The following FAM98A variants were observed in gnomAD, a reference collection of about 807,000 sequenced individuals.
FAM98A encodes protein FAM98A.
Under a neutral mutation model 62.9 loss-of-function variants are expected in FAM98A, and 25 were observed. The ratio of observed to expected loss-of-function variants is 0.40; its 90% CI spans 0.29 to 0.56. FAM98A has a LOEUF of 0.56. FAM98A is among the 20% of genes least tolerant of loss of function. The pLI is 0.51. For synonymous variants in FAM98A, 252 were observed against 228.6 expected (o/e 1.10, Z -0.92); for missense variants, 653 against 640.7 (o/e 1.02, Z -0.21).
In FAM98A at chr2:33,583,788, G is replaced by A. The variant is rs1677470689; in HGVS notation, c.*988C>T. On this transcript the variant is annotated 3_prime_UTR_variant, in exon 8 of 8. Transcript: ENST00000238823. The stretch of plus-strand genomic sequence containing the variant: ...GAAGCATCATGTCATGTAGATTTCA[G>A]TAAGGGAGAATGTAAAACATCAACT... 6.6e-6 allele frequency: 1 copy of A among 152,650 alleles called. No homozygotes were observed. The allele number at this position is 152,650 out of a possible 1,614,324, so 9.5% of individuals were successfully genotyped here.
rs1005561402 is a variant in FAM98A at position 33,599,226 on chromosome 2, C to T, written c.-5G>A. ...CTCCATGAGGTCACACTCCATGCTACTGTGGTATTCAAATTTCCGAGTCGT... is the reference window on the plus strand; with the variant it reads ...CTCCATGAGGTCACACTCCATGCTATTGTGGTATTCAAATTTCCGAGTCGT... On this transcript the variant is annotated 5_prime_UTR_variant, in exon 1 of 8. Transcript: ENST00000238823. 1 of 1,613,270 alleles carries T rather than the reference C, an allele frequency of 6.2e-7. No homozygotes were observed. The highest frequency in any genetic ancestry group is 1.3e-5 in the African/African-American group (1 of 75,054).
At chr2:33,588,246 C>T in intron 4 of FAM98A, 89 bp downstream of exon 4, 1 of 1,037,266 alleles carries the variant, frequency 9.6e-7, no homozygotes, top group Non-Finnish European at 1.4e-6. Flanking sequence ...ATTAGGTTCC[C>T]ATTAAGAGAA....
In FAM98A at chr2:33,594,624, CACACATATATAT is replaced by C. The variant is rs1558550433; in HGVS notation, c.202+853_202+864del. Among the ~76,000 whole-genome samples, 24 of 118,894 alleles carry C rather than the reference CACACATATATAT, an allele frequency of 2.0e-4. 2 individuals are homozygous for C. The highest frequency in any genetic ancestry group is 7.6e-4 in the African/African-American group (20 of 26,186). 78.0% of individuals were successfully genotyped at this position (118,894 alleles called of 152,430 possible). A position where few individuals can be genotyped will look rare whatever the true frequency, so the allele number is the denominator to read the frequency against. ...ACATACATACACACATATATATATACACACATATATATACACATATATATATACACACATATA... is the reference window on the plus strand; with the variant it reads ...ACATACATACACACATATATATATACACACATATATATATACACACATATA... On this transcript the variant is annotated intron_variant, in intron 2 of 7. Coordinates refer to ENST00000238823, the MANE Select transcript of FAM98A (RefSeq NM_015475.5).
chr2:33,587,363 A>G (rs755479494), intron 4 of FAM98A, 43 bp from the exon 5 acceptor site: 25 of 1,388,712 alleles, frequency 1.8e-5, no homozygotes, highest in Non-Finnish European at 2.4e-5. Context: ...CTCTAAAAGT[A>G]AAACATCCTC....
chr2:33,588,344 A>T lies in FAM98A; in HGVS notation c.513T>A (p.Ile171=). 6.2e-7 allele frequency: 1 copy of T among 1,604,626 alleles called. No homozygotes were observed. The change falls in exon 4 of 8, where the codon ATT becomes ATA. Residue 171 remains isoleucine, a synonymous_variant. Transcript: ENST00000238823. The part of the protein sequence containing the change: ...NITMFQFFSG[I]EKKLKETLAK... ...GTACTAAAGGTCTTACTTTTTTTTC[A>T]ATCCCGCTGAAGAATTGGAACATAG...
chr2:33,589,732 T>A (rs532573215), intron 3 of FAM98A: 1 of 152,306 alleles, frequency 6.6e-6, no homozygotes, highest in East Asian at 1.9e-4. Context: ...ACCCCACTGT[T>A]AAGACAACAA....
chr2:33,598,346 G>A (rs1677862759), intron 1 of FAM98A, among the ~76,000 whole-genome samples: 1 of 152,164 alleles, frequency 6.6e-6, no homozygotes, highest in Non-Finnish European at 1.5e-5. Flanking sequence ...ATTTGTTTCT[G>A]GAACCACATT....
intron 7 of FAM98A, 36 bp downstream of exon 7, chr2:33,585,494 A>T: frequency 6.2e-7 from 1 of 1,613,658 alleles, no homozygotes; most frequent in Non-Finnish European, 8.5e-7. Flanking sequence ...AACAGAAATA[A>T]ATGCATTTGG....
intron 4 of FAM98A, chr2:33,587,635 T>G: frequency 3.5e-6 from 1 of 283,810 alleles, no homozygotes; most frequent in Non-Finnish European, 6.8e-6. Context: ...CCCTGTAGAG[T>G]TCAGCCAAAT....
chr2:33,584,238 T>G lies in FAM98A; in HGVS notation c.*538A>C. Reference sequence around the variant, plus strand: ...ATGTGCTATCTGCAAAAGAGCTCATTTAATAGGAACTGACCTAAAAGTTCC... The same window carrying G: ...ATGTGCTATCTGCAAAAGAGCTCATGTAATAGGAACTGACCTAAAAGTTCC... On this transcript the variant is annotated 3_prime_UTR_variant, in exon 8 of 8. Coordinates refer to ENST00000238823, the MANE Select transcript of FAM98A (RefSeq NM_015475.5). The G allele has an allele frequency of 6.5e-6, 1 of 154,742 alleles. No homozygotes were observed. Among genetic ancestry groups the G allele is most frequent in the South Asian group, 2.0e-4 (1 of 4,934 alleles). 9.6% of individuals were successfully genotyped at this position (154,742 alleles called of 1,614,324 possible). A position where few individuals can be genotyped will look rare whatever the true frequency, so the allele number is the denominator to read the frequency against.
At chr2:33,597,792 C>T (rs944663408) in intron 1 of FAM98A, among the ~76,000 whole-genome samples, 23 of 152,130 alleles carry the variant, frequency 1.5e-4, no homozygotes, top group Admixed American at 9.8e-4. Context: ...AGGGACCCTC[C>T]TCAGGGCTCC....
chr2:33,585,624 A>G lies in FAM98A; in HGVS notation c.794T>C (p.Val265Ala). The G allele has an allele frequency of 6.2e-7, 1 of 1,614,230 alleles. No homozygotes were observed. Among genetic ancestry groups the G allele is most frequent in the Non-Finnish European group, 8.5e-7 (1 of 1,180,040 alleles). The change falls in exon 7 of 8, where the codon GTT becomes GCT. Residue 265 changes from valine to alanine, a missense_variant. Val to Ala is a moderately conservative substitution (Grantham distance 64). Transcript: ENST00000238823. ...CTGCCTTGCAGCCAAAAGATGGGCAACAGAAATAGTAGTTTTAGGGGATAA... is the reference window on the plus strand; with the variant it reads ...CTGCCTTGCAGCCAAAAGATGGGCAGCAGAAATAGTAGTTTTAGGGGATAA... ...SVLSPKTTISVAHLLAARQDL... is the reference protein window; with the variant it reads ...SVLSPKTTISAAHLLAARQDL...
chr2:33,587,665 T>G (rs1677586130), intron 4 of FAM98A: 2 of 251,682 alleles, frequency 7.9e-6, no homozygotes, highest in South Asian at 1.2e-4. Flanking sequence ...ATGGTGCTGG[T>G]CTACCCCACA....
chr2:33,595,010 T>C (rs1414106500), intron 2 of FAM98A, among the ~76,000 whole-genome samples: 1 of 152,204 alleles, frequency 6.6e-6, no homozygotes, highest in Non-Finnish European at 1.5e-5. Context: ...CTGTGATGTA[T>C]CTAACGATGC....
Position 33,599,261 on chromosome 2 carries a change from C to G in FAM98A, c.-40G>C, listed in dbSNP as rs777770801. The G allele has an allele frequency of 1.7e-5, 26 of 1,568,534 alleles. No individual in the cohort carries two copies. In the East Asian group the frequency reaches 2.0e-4, roughly 12 times the overall value. On this transcript the variant is annotated 5_prime_UTR_variant, in exon 1 of 8. Transcript: ENST00000238823. ...CAAATTTCCGAGTCGTCAGGCTCCC[C>G]TCTTCGCCGGCAACGCGTACACTCG...
intron 4 of FAM98A, 155 bp downstream of exon 4, chr2:33,588,180 T>C (rs899687962): frequency 4.7e-6 from 3 of 633,112 alleles, no homozygotes; most frequent in Non-Finnish European, 8.5e-6. Context: ...CTTTAAGGCA[T>C]CTAGGATTTA....
At position 33,592,346 on chromosome 2, in the gene FAM98A, T is replaced by C. The variant is rs975880596; in HGVS notation, c.203-132A>G. On this transcript the variant is annotated intron_variant, in intron 2 of 7. Coordinates refer to ENST00000238823, the MANE Select transcript of FAM98A (RefSeq NM_015475.5). ...GTTTTTTCCCCTTCTAATTTATCCT[T>C]TCTTACACCACTGCAAAGTTTCTTC... 8.4e-6 allele frequency: 6 copies of C among 717,708 alleles called. No individual in the cohort carries two copies. The African/African-American group carries it at 8.9e-5, about 11-fold the overall frequency. 44.5% of individuals were successfully genotyped at this position (717,708 alleles called of 1,614,324 possible). A position where few individuals can be genotyped will look rare whatever the true frequency, so the allele number is the denominator to read the frequency against.
At chr2:33,593,164 A>G (rs567168683) in intron 2 of FAM98A, among the ~76,000 whole-genome samples, 1 of 152,100 alleles carries the variant, frequency 6.6e-6, no homozygotes, top group Non-Finnish European at 1.5e-5. Flanking sequence ...AGCACTTTGG[A>G]AGGCCGAGAC....
chr2:33,585,737 C>G, intron 6 of FAM98A, 40 bp from the exon 7 acceptor site: 1 of 1,554,004 alleles, frequency 6.4e-7, no homozygotes, highest in Non-Finnish European at 8.8e-7. Flanking sequence ...TGTCAATTTT[C>G]AAAATGACAT....
Sources: gnomAD v4.1 joint callset for allele counts (sites outside exome capture counted in the v4.1 genomes callset) on GRCh38, gnomAD v4.1.1 for gene constraint, MANE v1.5 for transcripts, NCBI Gene and HGNC (gene_info 2026-07-23, HGNC 2026-07-21) for gene names.